Variants in EPHA5 observed in about 807,000 individuals in gnomAD.
EPHA5 encodes the protein EPH receptor A5.
A neutral mutation model predicts 105.0 loss-of-function variants in EPHA5; 60 were observed. The ratio of observed to expected loss-of-function variants is 0.57; its 90% CI spans 0.46 to 0.71. The LOEUF is 0.71. Ranked by LOEUF, EPHA5 falls within the 30% of genes least tolerant of loss-of-function variation. The pLI, the probability that EPHA5 is intolerant of heterozygous loss-of-function variation, is 0.00. For missense variants in EPHA5, 1,218 were observed against 1,274.7 expected (o/e 0.96, Z 0.68); for synonymous variants, 513 against 449.1 (o/e 1.14, Z -1.80).
chr4:65,488,751 G>T (rs1338927785), intron 5 of EPHA5, among the ~76,000 whole-genome samples: 1 of 152,184 alleles, frequency 6.6e-6, no homozygotes, highest in African/African-American at 2.4e-5. Context: ...ATTCAATGTG[G>T]CTAAGAACAT....
chr4:65,405,292 G>A (rs1722256259), intron 7 of EPHA5, among the ~76,000 whole-genome samples: 1 of 151,798 alleles, frequency 6.6e-6, no homozygotes, highest in Non-Finnish European at 1.5e-5. Context: ...CGCCTTATAG[G>A]GCAAAATAAA....
At chr4:65,627,878 T>A (rs1746293724) in intron 2 of EPHA5, among the ~76,000 whole-genome samples, 1 of 152,140 alleles carries the variant, frequency 6.6e-6, no homozygotes, top group South Asian at 2.1e-4. Context: ...CATCATGTCA[T>A]ATTTCAAATC....
chr4:65,354,742 A>G (rs928552169), intron 11 of EPHA5, among the ~76,000 whole-genome samples: 1 of 151,716 alleles, frequency 6.6e-6, no homozygotes, highest in Non-Finnish European at 1.5e-5. Flanking sequence ...TAGATATAGA[A>G]CATATGATTA....
chr4:65,361,388 T>C (rs1440041638), intron 11 of EPHA5, among the ~76,000 whole-genome samples: 2 of 151,558 alleles, frequency 1.3e-5, no homozygotes, highest in Non-Finnish European at 3.0e-5. Flanking sequence ...TAGTGAAATA[T>C]GGAAATGTGT....
intron 5 of EPHA5, among the ~76,000 whole-genome samples, chr4:65,443,886 C>T (rs754139818): frequency 1.2e-4 from 17 of 147,780 alleles, no homozygotes; most frequent in Middle Eastern, 6.9e-3. Context: ...ATAGTTTCTA[C>T]TTGCAGATGT....
At chr4:65,599,412 C>T (rs1743494331) in intron 3 of EPHA5, among the ~76,000 whole-genome samples, 1 of 151,364 alleles carries the variant, frequency 6.6e-6, no homozygotes, top group Admixed American at 6.6e-5. Flanking sequence ...AGATAGAAAT[C>T]TCTCAACAAT....
intron 3 of EPHA5, among the ~76,000 whole-genome samples, chr4:65,534,571 T>C (rs1736116337): frequency 1.3e-5 from 2 of 152,164 alleles, no homozygotes; most frequent in South Asian, 4.1e-4. Flanking sequence ...CATCCTAAGG[T>C]AACTGGGCAG....
intron 3 of EPHA5, among the ~76,000 whole-genome samples, chr4:65,598,631 A>T (rs1338546861): frequency 2.6e-5 from 4 of 152,204 alleles, no homozygotes; most frequent in Admixed American, 1.3e-4. Flanking sequence ...TTTTGTGACA[A>T]AAGATATATG....
intron 3 of EPHA5, among the ~76,000 whole-genome samples, chr4:65,533,840 A>T (rs1380437479): frequency 3.3e-5 from 5 of 152,114 alleles, no homozygotes; most frequent in African/African-American, 1.2e-4. Flanking sequence ...AGGCTGAGGC[A>T]GGAGAGTCAC....
chr4:65,600,602 A>C (rs1209303280), intron 3 of EPHA5, among the ~76,000 whole-genome samples: 1 of 152,162 alleles, frequency 6.6e-6, no homozygotes, highest in Non-Finnish European at 1.5e-5. Context: ...TTCATGTAAC[A>C]GAGTGGACTT....
chr4:65,609,298 A>T (rs989551884), intron 2 of EPHA5, among the ~76,000 whole-genome samples: 120 of 152,266 alleles, frequency 7.9e-4, no homozygotes, highest in African/African-American at 2.8e-3. Flanking sequence ...TGTTAGTGGG[A>T]AAAAAAGACT....
intron 5 of EPHA5, among the ~76,000 whole-genome samples, chr4:65,436,777 A>T (rs112435165): frequency 5.7e-4 from 87 of 152,124 alleles, no homozygotes; most frequent in African/African-American, 1.4e-3. Context: ...CTTATCCATC[A>T]CTAACTTGCA....
chr4:65,565,085 C>T (rs1435619541), intron 3 of EPHA5, among the ~76,000 whole-genome samples: 1 of 151,556 alleles, frequency 6.6e-6, no homozygotes, highest in South Asian at 2.1e-4. Context: ...AGTCACTTAA[C>T]ACTCTTCATA....
chr4:65,432,225 T>C (rs1195376830), intron 5 of EPHA5, among the ~76,000 whole-genome samples: 2 of 152,210 alleles, frequency 1.3e-5, no homozygotes, highest in Non-Finnish European at 2.9e-5. Context: ...TTGAGGCAAG[T>C]GAAAATTGCT....
intron 5 of EPHA5, among the ~76,000 whole-genome samples, chr4:65,458,747 T>C (rs977430975): frequency 3.9e-5 from 6 of 152,224 alleles, no homozygotes; most frequent in Admixed American, 3.3e-4. Flanking sequence ...TTCAAAATTA[T>C]TATATAGTAC....
intron 2 of EPHA5, among the ~76,000 whole-genome samples, chr4:65,612,850 T>C (rs1744900863): frequency 6.6e-6 from 1 of 152,218 alleles, no homozygotes; most frequent in Non-Finnish European, 1.5e-5. Context: ...TGATTATTTA[T>C]TTATTTTGCT....
chr4:65,537,663 T>A (rs1457340563), intron 3 of EPHA5, among the ~76,000 whole-genome samples: 2 of 151,782 alleles, frequency 1.3e-5, no homozygotes, highest in African/African-American at 2.4e-5. Context: ...AAGAGACAAT[T>A]CTGCATTTTT....
intron 3 of EPHA5, among the ~76,000 whole-genome samples, chr4:65,551,871 T>C (rs1737953668): frequency 6.6e-6 from 1 of 152,180 alleles, no homozygotes; most frequent in African/African-American, 2.4e-5. Flanking sequence ...CAGAAGCTAA[T>C]GGTTAATAAA....
chr4:65,483,091 A>T (rs1055656047), intron 5 of EPHA5, among the ~76,000 whole-genome samples: 13 of 151,930 alleles, frequency 8.6e-5, no homozygotes, highest in Admixed American at 2.0e-4. Flanking sequence ...ATTCCCACCT[A>T]TGAGTGAGAA....
Sources: gnomAD v4.1 joint callset for allele counts (sites outside exome capture counted in the v4.1 genomes callset) on GRCh38, gnomAD v4.1.1 for gene constraint, MANE v1.5 for transcripts, NCBI Gene and HGNC (gene_info 2026-07-23, HGNC 2026-07-21) for gene names.